Variants in HECW2 observed in about 807,000 individuals in gnomAD.
The protein encoded by HECW2 is E3 ubiquitin-protein ligase HECW2.
Under a neutral mutation model 175.2 loss-of-function variants are expected in HECW2, and 61 were observed. The ratio of observed to expected loss-of-function variants is 0.35; its 90% confidence interval spans 0.28 to 0.43. HECW2 has a LOEUF of 0.43. Among genes scored for constraint, HECW2 ranks in the 20% least tolerant of loss-of-function variants. HECW2 has a pLI of 1.00. For missense variants in HECW2, 1,524 were observed against 2,000.5 expected (o/e 0.76, Z 4.54); for synonymous variants, 671 against 731.0 (o/e 0.92, Z 1.32).
chr2:196,214,936 T>C (rs1156706722), intron 28 of HECW2, among the ~76,000 whole-genome samples: 2 of 152,182 alleles, frequency 1.3e-5, no homozygotes, highest in Non-Finnish European at 2.9e-5. Context: ...AAAATAGGTT[T>C]CTCAAAGTCA....
At chr2:196,461,864 A>G (rs1696758539) in intron 1 of HECW2, among the ~76,000 whole-genome samples, 1 of 152,154 alleles carries the variant, frequency 6.6e-6, no homozygotes. Flanking sequence ...TATGGGGACC[A>G]CAGGAACCAT....
chr2:196,407,209 CT>C (rs142961175), intron 2 of HECW2, among the ~76,000 whole-genome samples: 1,037 of 143,208 alleles, frequency 7.2e-3, no homozygotes, highest in Middle Eastern at 7.3e-3. Flanking sequence ...ACTTTCAAAA[CT>C]TTTTTTTTTT....
chr2:196,368,718 A>C (rs7560309), intron 2 of HECW2, among the ~76,000 whole-genome samples: 54,049 of 151,634 alleles, frequency 0.36, 13,078 homozygotes, highest in African/African-American at 0.69. Flanking sequence ...TGTCTTCAAG[A>C]TAATTTTTTC....
In HECW2 at chr2:196,494,873, T is replaced by A. The variant is rs1260818844; in HGVS notation, c.-35-61415A>T. On this transcript the variant is annotated intron_variant, in intron 1 of 28. Transcript: ENST00000644978. ...GGTGAAAAGAGCTCCAAACTTGAAG[T>A]CAAGATTCTCTTATTACAAATCCAG... 2.6e-5 allele frequency among the ~76,000 whole-genome samples: 4 copies of A among 152,138 alleles called. No homozygotes were observed. The East Asian group carries it at 7.7e-4, about 29-fold the overall frequency.
In HECW2 at chr2:196,194,312, C is replaced by T. The variant is rs1198690839; in HGVS notation, c.*6965G>A. The T allele has an allele frequency of 6.6e-6, 1 of 151,956 alleles. No homozygotes were observed. Among genetic ancestry groups the T allele is most frequent in the Non-Finnish European group, 1.5e-5 (1 of 67,950 alleles). The allele number at this position is 151,956 out of a possible 1,614,324, so 9.4% of individuals were successfully genotyped here. On this transcript the variant is annotated 3_prime_UTR_variant, in exon 29 of 29. Coordinates refer to ENST00000644978, the MANE Select transcript of HECW2 (RefSeq NM_001348768.2). ...TGCCATGAAATCTTTATCTCTACTT[C>T]TATTCTCCTCCCTTCTGAGTTTTCC...
intron 14 of HECW2, chr2:196,288,742 T>C (rs1304434033): frequency 6.6e-6 from 1 of 152,234 alleles, no homozygotes; most frequent in Non-Finnish European, 1.5e-5. Flanking sequence ...TGAATGATAA[T>C]AATACCTACC....
chr2:196,271,321 A>G, intron 16 of HECW2, 32 bp from the exon 17 acceptor site: 1 of 1,453,390 alleles, frequency 6.9e-7, no homozygotes, highest in Non-Finnish European at 9.6e-7. Context: ...ACAACAATTT[A>G]AAAAAGAATC....
intron 1 of HECW2, among the ~76,000 whole-genome samples, chr2:196,536,255 C>A (rs1689016591): frequency 2.0e-5 from 3 of 152,132 alleles, no homozygotes; most frequent in Admixed American, 1.3e-4. Context: ...GGGATGGGAC[C>A]CTCTGGCTTT....
At chr2:196,425,578 A>AGCT (rs1695521474) in intron 2 of HECW2, among the ~76,000 whole-genome samples, 1 of 152,152 alleles carries the variant, frequency 6.6e-6, no homozygotes, top group Admixed American at 6.6e-5. Context: ...AGGGTTCAAG[A>AGCT]CTTCAGTGAT....
chr2:196,519,387 A>C (rs564517803), intron 1 of HECW2, among the ~76,000 whole-genome samples: 3 of 152,322 alleles, frequency 2.0e-5, no homozygotes, highest in Admixed American at 6.5e-5. Context: ...TAAATAAATA[A>C]ATAAACAGAA....
intron 10 of HECW2, among the ~76,000 whole-genome samples, chr2:196,314,994 A>C (rs1691635730): frequency 6.6e-6 from 1 of 152,158 alleles, no homozygotes; most frequent in South Asian, 2.1e-4. Context: ...AGGGCAGCCA[A>C]GCGATTAACA....
At chr2:196,456,968 G>T (rs946446155) in intron 1 of HECW2, among the ~76,000 whole-genome samples, 8 of 152,154 alleles carry the variant, frequency 5.3e-5, no homozygotes, top group Non-Finnish European at 1.0e-4. Context: ...TATCAAATAA[G>T]TTTATTGCTT....
intron 21 of HECW2, among the ~76,000 whole-genome samples, chr2:196,235,051 A>C (rs559447071): frequency 6.6e-6 from 1 of 152,326 alleles, no homozygotes; most frequent in East Asian, 1.9e-4. Flanking sequence ...TTGGTGATGA[A>C]CTAATCAACT....
At chr2:196,291,844 T>C (rs1014412431) in intron 14 of HECW2, 4 of 152,226 alleles carry the variant, frequency 2.6e-5, no homozygotes, top group Admixed American at 6.5e-5. Context: ...TCATGGCTCA[T>C]AGTAGGTACT....
At chr2:196,560,246 A>G (rs1481316623) in intron 1 of HECW2, among the ~76,000 whole-genome samples, 1 of 152,102 alleles carries the variant, frequency 6.6e-6, no homozygotes, top group African/African-American at 2.4e-5. Context: ...CCCAGGTTCA[A>G]GTGATTCTCC....
chr2:196,231,664 G>A (rs1488961523), intron 21 of HECW2, among the ~76,000 whole-genome samples: 1 of 152,180 alleles, frequency 6.6e-6, no homozygotes, highest in Admixed American at 6.5e-5. Flanking sequence ...ACAAAAGAAA[G>A]AAAATAGGAG....
chr2:196,327,665 C>T (rs1378520241), intron 5 of HECW2, among the ~76,000 whole-genome samples: 2 of 152,124 alleles, frequency 1.3e-5, no homozygotes, highest in African/African-American at 4.8e-5. Context: ...ATGCTACAAC[C>T]AGATTAATTT....
intron 17 of HECW2, among the ~76,000 whole-genome samples, chr2:196,259,575 A>T (rs1243879392): frequency 1.3e-5 from 2 of 151,642 alleles, no homozygotes; most frequent in East Asian, 3.9e-4. Flanking sequence ...TTTTTTTTTT[A>T]AAGACTATTA....
chr2:196,253,728 T>C (rs1374627610), intron 19 of HECW2, among the ~76,000 whole-genome samples, 192 bp downstream of exon 19: 1 of 152,216 alleles, frequency 6.6e-6, no homozygotes, highest in Non-Finnish European at 1.5e-5. Context: ...CTCCTATTCA[T>C]TATGTTTGTC....
Sources: gnomAD v4.1 joint callset for allele counts (sites outside exome capture counted in the v4.1 genomes callset) on GRCh38, gnomAD v4.1.1 for gene constraint, MANE v1.5 for transcripts, NCBI Gene and HGNC (gene_info 2026-07-23, HGNC 2026-07-21) for gene names.